Variants in GPHN observed in about 807,000 individuals in gnomAD.
GPHN encodes gephyrin.
A neutral mutation model predicts 95.5 loss-of-function variants in GPHN; 17 were observed. The ratio of observed to expected loss-of-function variants is 0.18; its 90% confidence interval spans 0.12 to 0.27. The LOEUF is 0.27. Ranked by LOEUF, GPHN falls within the 10% of genes least tolerant of loss-of-function variation. GPHN has a pLI of 1.00. For missense variants in GPHN, 660 were observed against 978.1 expected (o/e 0.67, Z 4.34); for synonymous variants, 320 against 322.5 (o/e 0.99, Z 0.08).
the GPHN span, among the ~76,000 whole-genome samples, chr14:67,565,860 C>G: frequency 6.6e-5 from 10 of 152,322 alleles, no homozygotes; most frequent in African/African-American, 9.6e-5. Flanking sequence ...TAGCTTATGC[C>G]TGTAATCCCA....
At chr14:66,548,877 C>G (rs1289390099) in intron 1 of GPHN, among the ~76,000 whole-genome samples, 3 of 152,110 alleles carry the variant, frequency 2.0e-5, no homozygotes, top group Non-Finnish European at 2.9e-5. Flanking sequence ...AACATTTATT[C>G]TGAGAGATTT....
At chr14:67,474,392 A>G in the GPHN span, among the ~76,000 whole-genome samples, 1 of 152,188 alleles carries the variant, frequency 6.6e-6, no homozygotes, top group Non-Finnish European at 1.5e-5. Context: ...ATCTGTGGTC[A>G]GTTGAAGAGT....
the GPHN span, chr14:67,395,625 G>A: frequency 6.3e-7 from 1 of 1,579,690 alleles, no homozygotes; most frequent in Non-Finnish European, 8.7e-7. Context: ...CTCAGGCAGA[G>A]CAAGAGGACG....
chr14:67,429,333 C>A, the GPHN span, among the ~76,000 whole-genome samples: 1 of 151,338 alleles, frequency 6.6e-6, no homozygotes, highest in African/African-American at 2.4e-5. Context: ...CGGGTTCAAG[C>A]GATTCTCCTG....
At chr14:66,720,925 G>GA (rs2086554820) in intron 2 of GPHN, among the ~76,000 whole-genome samples, 2 of 152,110 alleles carry the variant, frequency 1.3e-5, no homozygotes, top group African/African-American at 4.8e-5. Context: ...TATCCTAAGA[G>GA]AAAATGCTTT....
At chr14:67,387,911 T>G in the GPHN span, among the ~76,000 whole-genome samples, 3 of 152,244 alleles carry the variant, frequency 2.0e-5, no homozygotes, top group Admixed American at 2.0e-4. Flanking sequence ...TTATGATACA[T>G]ATTAAGGTAT....
At chr14:67,432,837 G>T in the GPHN span, among the ~76,000 whole-genome samples, 1 of 152,090 alleles carries the variant, frequency 6.6e-6, no homozygotes, top group African/African-American at 2.4e-5. Context: ...CTCTGTTTTG[G>T]TGGTCGCATG....
At chr14:67,204,858 T>G in the GPHN span, 1 of 1,613,908 alleles carries the variant, frequency 6.2e-7, no homozygotes, top group South Asian at 1.1e-5. Flanking sequence ...GCCCTGAACA[T>G]GTCAGGGACA....
chr14:66,630,655 G>A (rs773638594), intron 1 of GPHN, among the ~76,000 whole-genome samples: 1 of 151,968 alleles, frequency 6.6e-6, no homozygotes, highest in African/African-American at 2.4e-5. Context: ...GTATTTTTTA[G>A]TGGAAACGGA....
At chr14:67,635,679 C>A in the GPHN span, among the ~76,000 whole-genome samples, 1 of 152,054 alleles carries the variant, frequency 6.6e-6, no homozygotes, top group Non-Finnish European at 1.5e-5. Context: ...CATGGTGAAA[C>A]CTGTCTCTAC....
chr14:66,517,150 A>AG (rs1184603776), intron 1 of GPHN, among the ~76,000 whole-genome samples: 13 of 149,064 alleles, frequency 8.7e-5, no homozygotes, highest in African/African-American at 1.2e-4. Flanking sequence ...AAAAAAAAAA[A>AG]AAGAAGAAAC....
the GPHN span, among the ~76,000 whole-genome samples, chr14:67,192,552 A>C: frequency 6.6e-6 from 1 of 151,622 alleles, no homozygotes; most frequent in African/African-American, 2.4e-5. Context: ...GCAGAGTGCA[A>C]GGAGCTTATC....
the GPHN span, chr14:67,578,631 G>C: frequency 6.3e-7 from 1 of 1,594,906 alleles, no homozygotes. This position sits in a 1 kb window ranked among gnomAD's most constrained non-coding sequence, Gnocchi z 5.0. Flanking sequence ...GCAGATCCCA[G>C]GTGAGTGAAC....
chr14:67,070,715 A>ATATATATATATAT lies in GPHN; in HGVS notation c.1144+11929_1144+11930insTATATATATATAT, dbSNP rs1555482657. 1.1e-4 allele frequency among the ~76,000 whole-genome samples: 9 copies of ATATATATATATAT among 80,696 alleles called. 1 individual carries two copies. The highest frequency in any genetic ancestry group is 5.0e-4 in the African/African-American group (4 of 7,984). The allele number at this position is 80,696 out of a possible 152,430, so 52.9% of individuals were successfully genotyped here. On this transcript the variant is annotated intron_variant, in intron 11 of 22. Coordinates refer to ENST00000478722, the MANE Select transcript of GPHN (RefSeq NM_020806.5). Reference sequence around the variant, plus strand: ...ATCTCAAAAAAAAAAAAAAAAAAAAAATATATATATATATCCAATCAGCAT... The same window carrying ATATATATATATAT: ...ATCTCAAAAAAAAAAAAAAAAAAAAATATATATATATATATATATATATATATCCAATCAGCAT...
At chr14:66,837,221 T>G (rs914673550) in intron 4 of GPHN, among the ~76,000 whole-genome samples, 8 of 151,452 alleles carry the variant, frequency 5.3e-5, no homozygotes, top group Non-Finnish European at 1.0e-4. Context: ...TAGACTGGAT[T>G]AAGAAAATGT....
chr14:67,569,124 A>G, the GPHN span: 2 of 1,594,118 alleles, frequency 1.3e-6, no homozygotes, highest in Non-Finnish European at 1.7e-6. Context: ...GCTTCCTGAG[A>G]CCTCTTGTTT....
chr14:67,340,550 A>T, the GPHN span: 1 of 1,558,082 alleles, frequency 6.4e-7, no homozygotes, highest in African/African-American at 1.4e-5. Flanking sequence ...TATGTGTGAG[A>T]ACTTCAAACC....
the GPHN span, among the ~76,000 whole-genome samples, chr14:67,682,501 A>G: frequency 1.3e-5 from 2 of 152,248 alleles, no homozygotes; most frequent in Admixed American, 6.5e-5. Flanking sequence ...AGCGCATGAA[A>G]GAATGTTCAA....
At chr14:67,186,500 C>T (rs2083369256), downstream of GPHN, among the ~76,000 whole-genome samples, 1 of 152,304 alleles carries the variant, frequency 6.6e-6, no homozygotes, top group Non-Finnish European at 1.5e-5. Context: ...GAAGCAACTA[C>T]CACAACTAGG....
Sources: gnomAD v4.1 joint callset for allele counts (sites outside exome capture counted in the v4.1 genomes callset) on GRCh38, gnomAD v4.1.1 for gene constraint, Gnocchi (gnomAD v3.1) non-coding constraint, MANE v1.5 for transcripts, NCBI Gene and HGNC (gene_info 2026-07-23, HGNC 2026-07-21) for gene names.